Variants in TMEM39B observed in about 807,000 individuals in gnomAD.
TMEM39B encodes transmembrane protein 39B.
TMEM39B carries 23 observed loss-of-function variants against 52.2 expected under a neutral mutation model. The observed-to-expected ratio is 0.44, with a 90% confidence interval of 0.32 to 0.62. TMEM39B has a LOEUF of 0.62. Ranked by LOEUF, TMEM39B falls within the 20% of genes least tolerant of loss-of-function variation. The probability of loss-of-function intolerance (pLI) is 0.06; values close to 1 mark genes in which losing one functional copy is unlikely to be tolerated. For missense variants in TMEM39B, 547 were observed against 642.0 expected, an observed-to-expected ratio of 0.85 and a Z score of 1.60; for synonymous variants, 285 against 264.0, an observed-to-expected ratio of 1.08 and a Z score of -0.77.
intron 5 of TMEM39B, among the ~76,000 whole-genome samples, chr1:32,090,521 G>C (rs577767821): frequency 5.9e-5 from 9 of 152,142 alleles, no homozygotes; most frequent in African/African-American, 2.2e-4. Context: ...CACAATCATG[G>C]GTCACTGCAG....
chr1:32,073,057 C>G lies in TMEM39B; in HGVS notation c.4+6C>G. Reference sequence around the variant, plus strand: ...GCACCGGGGGGAGGAGATGGGTGAGCAGAGCGGCTCAGGCTCGGCCTGGCA... The same window carrying G: ...GCACCGGGGGGAGGAGATGGGTGAGGAGAGCGGCTCAGGCTCGGCCTGGCA... On this transcript the variant is annotated splice_donor_region_variant and intron_variant, in intron 1 of 8. Transcript: ENST00000336294. 1.3e-6 allele frequency: 2 copies of G among 1,500,184 alleles called. No homozygotes were observed. Among genetic ancestry groups the G allele is most frequent in the Non-Finnish European group, 1.8e-6 (2 of 1,121,108 alleles). The allele number at this position is 1,500,184 out of a possible 1,614,324, so 92.9% of individuals were successfully genotyped here. A position where few individuals can be genotyped will look rare whatever the true frequency, so the allele number is the denominator to read the frequency against.
At chr1:32,081,547 A>G (rs555928381) in intron 5 of TMEM39B, among the ~76,000 whole-genome samples, 6 of 152,302 alleles carry the variant, frequency 3.9e-5, no homozygotes, top group African/African-American at 1.4e-4. Context: ...CAGGAGTTCA[A>G]GACCAGCCTG....
chr1:32,075,408 T>C (rs920325427), intron 2 of TMEM39B, among the ~76,000 whole-genome samples, 195 bp from the exon 3 acceptor site: 2 of 151,974 alleles, frequency 1.3e-5, no homozygotes, highest in Non-Finnish European at 2.9e-5. Context: ...TCCTAGGGGG[T>C]GTTGGAAGAC....
chr1:32,098,470 C>T (rs1041943706), intron 7 of TMEM39B, among the ~76,000 whole-genome samples: 30 of 152,052 alleles, frequency 2.0e-4, no homozygotes, highest in Admixed American at 6.5e-5. Flanking sequence ...CAGTGGCTCA[C>T]GCCTGTAATC....
intron 8 of TMEM39B, among the ~76,000 whole-genome samples, chr1:32,101,429 T>TC (rs1054340112): frequency 1.3e-5 from 2 of 149,110 alleles, no homozygotes; most frequent in Non-Finnish European, 3.0e-5. Context: ...TGAAATCCCC[T>TC]CCCCCCCTTT....
chr1:32,088,732 A>G (rs1350934737), intron 5 of TMEM39B, among the ~76,000 whole-genome samples: 1 of 152,118 alleles, frequency 6.6e-6, no homozygotes, highest in Admixed American at 6.6e-5. Context: ...CATAGGACCT[A>G]TCTGCAGTCC....
intron 6 of TMEM39B, among the ~76,000 whole-genome samples, chr1:32,092,576 C>A (rs1352770061): frequency 6.6e-6 from 1 of 152,054 alleles, no homozygotes; most frequent in Non-Finnish European, 1.5e-5. Flanking sequence ...CTGCAACCTC[C>A]ACCTCCCAGG....
chr1:32,078,878 T>G (rs1385594585), intron 5 of TMEM39B, among the ~76,000 whole-genome samples: 2 of 151,712 alleles, frequency 1.3e-5, no homozygotes, highest in African/African-American at 4.8e-5. Context: ...TGGCCTCAAG[T>G]GATCTGCCCA....
In TMEM39B at chr1:32,090,174, A is replaced by G. The variant is rs1048551894; in HGVS notation, c.591-1501A>G. On this transcript the variant is annotated intron_variant, in intron 5 of 8. Coordinates refer to ENST00000336294, the MANE Select transcript of TMEM39B (RefSeq NM_018056.4). ...AAAGGGAATATTTATAAAAGCCCCT[A>G]CTATGATGGGCATGGCACTTACTCA... Among the ~76,000 whole-genome samples, 36 of 152,112 alleles carry G rather than the reference A, an allele frequency of 2.4e-4. 1 individual carries two copies. Among genetic ancestry groups the G allele is most frequent in the African/African-American group, 4.8e-5 (2 of 41,428 alleles).
Position 32,072,990 on chromosome 1 carries a change from TC to T in TMEM39B, c.-56del. 3.9e-6 allele frequency: 6 copies of T among 1,532,012 alleles called. No homozygotes were observed. In the African/African-American group the frequency reaches 4.2e-5, roughly 11 times the overall value. The allele number at this position is 1,532,012 out of a possible 1,614,324, so 94.9% of individuals were successfully genotyped here. A position where few individuals can be genotyped will look rare whatever the true frequency, so the allele number is the denominator to read the frequency against. On this transcript the variant is annotated 5_prime_UTR_variant, in exon 1 of 9. Coordinates refer to ENST00000336294, the MANE Select transcript of TMEM39B (RefSeq NM_018056.4). Reference sequence around the variant, plus strand: ...TAGTCCTCTCCCGGCCGCCGTCGCCTCCGACATATTGCCCGCAGGAGCTGCG... The same window carrying T: ...TAGTCCTCTCCCGGCCGCCGTCGCCTCGACATATTGCCCGCAGGAGCTGCG...
At chr1:32,073,136 G>A in intron 1 of TMEM39B, 85 bp downstream of exon 1, 2 of 1,355,716 alleles carry the variant, frequency 1.5e-6, no homozygotes, top group East Asian at 6.4e-5. Flanking sequence ...GCTCCACGCG[G>A]ACAGGAGCCC....
chr1:32,082,049 T>C (rs1640120646), intron 5 of TMEM39B, among the ~76,000 whole-genome samples: 1 of 152,186 alleles, frequency 6.6e-6, no homozygotes, highest in African/African-American at 2.4e-5. Context: ...AATTGATAGC[T>C]TTTAATATTT....
rs1236150609 is a variant in TMEM39B, at chr1:32,094,859, A to G, written c.1003A>G (p.Met335Val). The change falls in exon 7 of 9, where the codon ATG (methionine) becomes GTG (valine). Residue 335 changes from methionine (M) to valine (V), a missense_variant. Transcript: ENST00000336294. ...GTCCATCAGCACCTCCGTGATCCTC[A>G]TGCAGCACCTGCTGCCTGCCAGCTA... ...LVSISTSVIL[M>V]QHLLPASYCD... is the part of the protein sequence containing the mutation. The G allele has an allele frequency of 6.2e-7, 1 of 1,614,210 alleles. No individual in the cohort carries two copies. The highest frequency in any genetic ancestry group is 8.5e-7 in the Non-Finnish European group (1 of 1,180,038).
chr1:32,078,907 C>T (rs1337594400), intron 5 of TMEM39B, among the ~76,000 whole-genome samples: 2 of 152,066 alleles, frequency 1.3e-5, no homozygotes, highest in Admixed American at 6.6e-5. Context: ...TCCCAAAGTG[C>T]TGGGATTACA....
At chr1:32,095,786 T>C (rs1640786431) in intron 7 of TMEM39B, 1 of 152,244 alleles carries the variant, frequency 6.6e-6, no homozygotes, top group African/African-American at 2.4e-5. Context: ...GGAGCAGAGA[T>C]GCAAGCAAGG....
chr1:32,094,438 A>G (rs974518116), intron 6 of TMEM39B, among the ~76,000 whole-genome samples: 2 of 152,106 alleles, frequency 1.3e-5, no homozygotes, highest in Non-Finnish European at 2.9e-5. Flanking sequence ...TAGTTGCTCT[A>G]TCCTCATTTG....
intron 5 of TMEM39B, among the ~76,000 whole-genome samples, chr1:32,086,016 T>A (rs1250329901): frequency 6.6e-6 from 1 of 152,000 alleles, no homozygotes; most frequent in Non-Finnish European, 1.5e-5. Flanking sequence ...GTGAGTGAAG[T>A]GCTGGTTGTT....
chr1:32,094,598 T>C (rs1335164823), intron 6 of TMEM39B, among the ~76,000 whole-genome samples, 186 bp from the exon 7 acceptor site: 2 of 152,146 alleles, frequency 1.3e-5, no homozygotes, highest in East Asian at 1.9e-4. Context: ...CAAATTTCCT[T>C]GTAGAAAACC....
At chr1:32,082,169 A>G (rs1004516431) in intron 5 of TMEM39B, among the ~76,000 whole-genome samples, 1 of 152,026 alleles carries the variant, frequency 6.6e-6, no homozygotes, top group African/African-American at 2.4e-5. Context: ...AATATTAGGC[A>G]CCCTATCCAA....
Sources: allele counts gnomAD v4.1 joint callset (sites outside exome capture counted in the v4.1 genomes callset), GRCh38; gene constraint gnomAD v4.1.1; transcripts MANE v1.5; gene names NCBI Gene and HGNC (gene_info 2026-07-23, HGNC 2026-07-21).